The following DLGAP1 variants were observed in gnomAD, a reference collection of about 807,000 sequenced individuals.
DLGAP1 encodes the protein DLG associated protein 1, also known as disks large-associated protein 1.
In DLGAP1, 11 loss-of-function variants were observed where a neutral mutation model predicts 90.8. The ratio of observed to expected loss-of-function variants is 0.12; its 90% CI spans 0.08 to 0.20. The LOEUF is 0.20. DLGAP1 is among the 10% of genes least tolerant of loss of function. The pLI is 1.00. For missense variants in DLGAP1, 1,050 were observed against 1,333.8 expected (o/e 0.79, Z 3.31); for synonymous variants, 558 against 540.7 (o/e 1.03, Z -0.44).
At chr18:4,365,189 G>A (rs1214870258) in intron 1 of DLGAP1, among the ~76,000 whole-genome samples, 1 of 152,088 alleles carries the variant, frequency 6.6e-6, no homozygotes, top group South Asian at 2.1e-4. Flanking sequence ...AATCTTGTAG[G>A]ATGTAGGTAA....
chr18:4,182,938 G>C (rs2077232512), intron 1 of DLGAP1, among the ~76,000 whole-genome samples: 1 of 152,122 alleles, frequency 6.6e-6, no homozygotes, highest in South Asian at 2.1e-4. Context: ...GCAGGAGATT[G>C]TGAACAAGGA....
intron 1 of DLGAP1, among the ~76,000 whole-genome samples, chr18:4,305,904 T>C (rs1249419463): frequency 9.2e-5 from 4 of 43,466 alleles, no homozygotes; most frequent in African/African-American, 1.2e-4. Context: ...TTTGGCATGA[T>C]TATTATTTTT....
chr18:3,568,400 A>C (rs1187463377), intron 8 of DLGAP1, among the ~76,000 whole-genome samples: 7 of 152,180 alleles, frequency 4.6e-5, no homozygotes, highest in Admixed American at 4.6e-4. Flanking sequence ...TGTATATTAC[A>C]GCTATATAGA....
intron 6 of DLGAP1, among the ~76,000 whole-genome samples, chr18:3,736,203 T>C (rs1030310379): frequency 3.3e-5 from 5 of 152,136 alleles, no homozygotes; most frequent in Admixed American, 3.3e-4. Flanking sequence ...TAAATTAACT[T>C]GGAAATGACA....
intron 4 of DLGAP1, among the ~76,000 whole-genome samples, chr18:3,874,997 G>A (rs1599084533): frequency 1.3e-5 from 2 of 152,126 alleles, no homozygotes; most frequent in Non-Finnish European, 2.9e-5. Context: ...CATGGCAATG[G>A]CCTAAATTAA....
chr18:3,544,160 T>C (rs1372114778), intron 9 of DLGAP1, among the ~76,000 whole-genome samples: 2 of 152,018 alleles, frequency 1.3e-5, no homozygotes, highest in South Asian at 2.1e-4. Context: ...GAGGCTGAGG[T>C]GGGTGGATCA....
intron 1 of DLGAP1, among the ~76,000 whole-genome samples, chr18:4,432,046 G>A (rs1219055572): frequency 6.6e-6 from 1 of 152,118 alleles, no homozygotes; most frequent in Non-Finnish European, 1.5e-5. Context: ...TCCAGTCTTT[G>A]TTTTAACTCA....
chr18:3,789,478 G>A (rs760021775), intron 5 of DLGAP1, among the ~76,000 whole-genome samples: 1 of 152,202 alleles, frequency 6.6e-6, no homozygotes, highest in Non-Finnish European at 1.5e-5. Context: ...AGATGAATCT[G>A]CAAGGGTGGA....
At chr18:4,202,412 G>C (rs535134628) in intron 1 of DLGAP1, among the ~76,000 whole-genome samples, 1 of 152,090 alleles carries the variant, frequency 6.6e-6, no homozygotes, top group African/African-American at 2.4e-5. Context: ...TTGCATAATG[G>C]GTAAATGGCC....
chr18:4,183,981 A>G (rs1400991042), intron 1 of DLGAP1, among the ~76,000 whole-genome samples: 1 of 152,192 alleles, frequency 6.6e-6, no homozygotes, highest in Admixed American at 6.6e-5. Context: ...ATGCCCACGC[A>G]GGAAAGTTAA....
intron 1 of DLGAP1, among the ~76,000 whole-genome samples, chr18:4,171,595 C>T (rs952163291): frequency 6.6e-6 from 1 of 151,290 alleles, no homozygotes; most frequent in African/African-American, 2.4e-5. Flanking sequence ...AAGAAAGTAT[C>T]TTTAGGAGGC....
intron 1 of DLGAP1, among the ~76,000 whole-genome samples, chr18:4,217,049 C>CG (rs1423587561): frequency 1.3e-5 from 2 of 152,080 alleles, no homozygotes; most frequent in Non-Finnish European, 2.9e-5. Flanking sequence ...GTCTCTCCCT[C>CG]TTTCTGAACT....
At chr18:4,414,879 T>C (rs1429651236) in intron 1 of DLGAP1, among the ~76,000 whole-genome samples, 3 of 152,212 alleles carry the variant, frequency 2.0e-5, no homozygotes, top group Non-Finnish European at 4.4e-5. Context: ...TGCCAATTAC[T>C]AGCAGTGTCA....
intron 1 of DLGAP1, among the ~76,000 whole-genome samples, chr18:4,322,883 C>T (rs1193464314): frequency 1.4e-5 from 2 of 145,748 alleles, no homozygotes; most frequent in African/African-American, 5.2e-5. Flanking sequence ...CTGGCATGAA[C>T]CCGGGAGGCG....
chr18:3,538,059 T>C (rs1223907194), intron 9 of DLGAP1, among the ~76,000 whole-genome samples: 1 of 152,084 alleles, frequency 6.6e-6, no homozygotes, highest in Non-Finnish European at 1.5e-5. Flanking sequence ...CCATCAAAAA[T>C]AAAGAATGAC....
chr18:4,190,563 G>A (rs1016405016), intron 1 of DLGAP1, among the ~76,000 whole-genome samples: 1 of 152,056 alleles, frequency 6.6e-6, no homozygotes. Context: ...CTCATCAATT[G>A]TAACAAACGT....
At chr18:4,260,116 T>G (rs2078974194) in intron 1 of DLGAP1, among the ~76,000 whole-genome samples, 1 of 152,210 alleles carries the variant, frequency 6.6e-6, no homozygotes, top group African/African-American at 2.4e-5. Flanking sequence ...TGTCTCCACC[T>G]CTGCCTAACA....
intron 4 of DLGAP1, among the ~76,000 whole-genome samples, chr18:3,828,118 T>C (rs2067821249): frequency 6.6e-6 from 1 of 152,192 alleles, no homozygotes; most frequent in Non-Finnish European, 1.5e-5. Flanking sequence ...CCTCTGTGTC[T>C]TCAGAATAAA....
At chr18:3,867,591 G>A (rs2070478585) in intron 4 of DLGAP1, among the ~76,000 whole-genome samples, 1 of 152,104 alleles carries the variant, frequency 6.6e-6, no homozygotes, top group Admixed American at 6.5e-5. Flanking sequence ...CAGTGTTCCA[G>A]GAGTGTCATG....
Sources: allele counts gnomAD v4.1 joint callset (sites outside exome capture counted in the v4.1 genomes callset), GRCh38; gene constraint gnomAD v4.1.1; transcripts MANE v1.5; gene names NCBI Gene and HGNC (gene_info 2026-07-23, HGNC 2026-07-21).